UBAC2: variants seen among roughly 807,000 people sequenced by gnomAD.
UBAC2 encodes UBA domain containing 2.
UBAC2 carries 26 observed loss-of-function variants against 44.0 expected under a neutral mutation model. That is an observed-to-expected ratio of 0.59 (90% CI 0.43 to 0.82). The LOEUF (loss-of-function observed/expected upper bound fraction) is 0.82, where lower values mean the gene tolerates loss of function less well. UBAC2 is among the 40% of genes least tolerant of loss of function. UBAC2 has a pLI of 0.00. For missense variants in UBAC2, 329 were observed against 419.4 expected (o/e 0.78, Z 1.88); for synonymous variants, 155 against 154.3 (o/e 1.00, Z -0.04).
At chr13:99,380,766 C>A (rs1001175720) in intron 8 of UBAC2, among the ~76,000 whole-genome samples, 7 of 152,184 alleles carry the variant, frequency 4.6e-5, no homozygotes, top group Non-Finnish European at 1.0e-4. Flanking sequence ...ATTGTTTATT[C>A]TTTTTAAAGA....
At chr13:99,334,594 T>C (rs368602296) in intron 6 of UBAC2, among the ~76,000 whole-genome samples, 2 of 152,236 alleles carry the variant, frequency 1.3e-5, no homozygotes, top group East Asian at 3.9e-4. Context: ...TATATTATGC[T>C]CAATTTTGAA....
intron 4 of UBAC2, among the ~76,000 whole-genome samples, chr13:99,266,270 A>C (rs2043742730): frequency 1.3e-5 from 2 of 152,058 alleles, no homozygotes; most frequent in South Asian, 4.1e-4. Context: ...CCTCTAAAAC[A>C]AGGTGGCCAA....
chr13:99,303,361 G>A (rs1286824683), intron 4 of UBAC2, among the ~76,000 whole-genome samples: 3 of 152,188 alleles, frequency 2.0e-5, no homozygotes, highest in African/African-American at 4.8e-5. Flanking sequence ...GCTTGAGCAC[G>A]GGAATTCTTT....
intron 4 of UBAC2, among the ~76,000 whole-genome samples, chr13:99,265,380 G>A (rs1234350242): frequency 1.3e-5 from 2 of 152,218 alleles, no homozygotes; most frequent in Admixed American, 6.5e-5. Flanking sequence ...GCCAGCTGCC[G>A]CTGTGCTTCT....
At chr13:99,287,686 T>C (rs966522275) in intron 4 of UBAC2, among the ~76,000 whole-genome samples, 1 of 144,522 alleles carries the variant, frequency 6.9e-6, no homozygotes, top group Non-Finnish European at 1.5e-5. Context: ...GGTTTCGCCA[T>C]GTTGCCCAGG....
At chr13:99,309,520 C>T (rs2044384180) in intron 4 of UBAC2, among the ~76,000 whole-genome samples, 1 of 152,166 alleles carries the variant, frequency 6.6e-6, no homozygotes, top group African/African-American at 2.4e-5. Flanking sequence ...GCTCACAAAC[C>T]TTGTTTTTAT....
chr13:99,324,347 C>A (rs1034261642), intron 6 of UBAC2, among the ~76,000 whole-genome samples: 1 of 152,160 alleles, frequency 6.6e-6, no homozygotes, highest in African/African-American at 2.4e-5. Context: ...ACAAATGCTT[C>A]ATCCAAGCAG....
chr13:99,336,313 C>T (rs1194109135), intron 6 of UBAC2, among the ~76,000 whole-genome samples: 1 of 152,154 alleles, frequency 6.6e-6, no homozygotes, highest in Non-Finnish European at 1.5e-5. Context: ...TAGCTTTTGG[C>T]ATACTACAGC....
At chr13:99,247,420 T>C (rs2043400154) in intron 4 of UBAC2, among the ~76,000 whole-genome samples, 2 of 151,900 alleles carry the variant, frequency 1.3e-5, no homozygotes, top group East Asian at 1.9e-4. Context: ...TTCACCGTGT[T>C]AGCCAGGATG....
chr13:99,325,837 T>C (rs2044635124), intron 6 of UBAC2, among the ~76,000 whole-genome samples: 1 of 152,240 alleles, frequency 6.6e-6, no homozygotes, highest in South Asian at 2.1e-4. Context: ...TAGGTCCTCA[T>C]GTTTCATCCA....
At chr13:99,378,642 A>G (rs2045512772) in intron 8 of UBAC2, among the ~76,000 whole-genome samples, 1 of 152,248 alleles carries the variant, frequency 6.6e-6, no homozygotes, top group Admixed American at 6.5e-5. Flanking sequence ...CTCATTTGAC[A>G]TGTGGAATCC....
chr13:99,336,164 C>T (rs1252271822), intron 6 of UBAC2, among the ~76,000 whole-genome samples: 1 of 152,140 alleles, frequency 6.6e-6, no homozygotes, highest in Non-Finnish European at 1.5e-5. Flanking sequence ...TCTGAAATTA[C>T]CTTTTCATAT....
At chr13:99,276,951 C>G (rs1292497937) in intron 4 of UBAC2, among the ~76,000 whole-genome samples, 1 of 152,172 alleles carries the variant, frequency 6.6e-6, no homozygotes. Context: ...CTTAGCACTT[C>G]TGGAAAGCCC....
intron 7 of UBAC2, among the ~76,000 whole-genome samples, chr13:99,353,855 A>G (rs772730651): frequency 1.3e-5 from 2 of 152,028 alleles, no homozygotes; most frequent in African/African-American, 4.8e-5. Flanking sequence ...ATTTCGTGCA[A>G]CCCCCAAGGT....
chr13:99,374,451 A>G (rs1236644328), intron 8 of UBAC2, among the ~76,000 whole-genome samples: 1 of 152,202 alleles, frequency 6.6e-6, no homozygotes, highest in Non-Finnish European at 1.5e-5. Context: ...AATTCACATG[A>G]CACGTCGTGT....
At chr13:99,358,053 C>T (rs1183112497) in intron 7 of UBAC2, among the ~76,000 whole-genome samples, 2 of 152,124 alleles carry the variant, frequency 1.3e-5, no homozygotes, top group Non-Finnish European at 2.9e-5. Context: ...ATGGGATGTG[C>T]TGAGAGCTGT....
intron 6 of UBAC2, among the ~76,000 whole-genome samples, chr13:99,336,281 T>C (rs537002071): frequency 7.2e-5 from 11 of 152,218 alleles, no homozygotes; most frequent in Non-Finnish European, 1.5e-4. Context: ...TCAGGCCTCT[T>C]GTGTTTTCAT....
intron 8 of UBAC2, among the ~76,000 whole-genome samples, chr13:99,369,717 A>G (rs1483841916): frequency 1.3e-5 from 2 of 152,244 alleles, no homozygotes; most frequent in Non-Finnish European, 2.9e-5. Context: ...GGAAAACCGT[A>G]ATTCTACAGA....
At chr13:99,366,524 A>G (rs556728319) in intron 7 of UBAC2, among the ~76,000 whole-genome samples, 14 of 152,242 alleles carry the variant, frequency 9.2e-5, no homozygotes, top group African/African-American at 2.4e-4. Flanking sequence ...ATATAACAAC[A>G]TATGTATAGT....
Sources: gnomAD v4.1 joint callset for allele counts (sites outside exome capture counted in the v4.1 genomes callset) on GRCh38, gnomAD v4.1.1 for gene constraint, MANE v1.5 for transcripts, NCBI Gene and HGNC (gene_info 2026-07-23, HGNC 2026-07-21) for gene names.